CEP57L1: variants seen among roughly 807,000 people sequenced by gnomAD.
CEP57L1 encodes the protein centrosomal protein 57 like 1, also known as centrosomal protein CEP57L1.
Under a neutral mutation model 61.0 loss-of-function variants are expected in CEP57L1, and 37 were observed. That is an observed-to-expected ratio of 0.61 (90% CI 0.47 to 0.80). The LOEUF is 0.80. CEP57L1 is among the 30% of genes least tolerant of loss of function. CEP57L1 has a pLI of 0.00. For missense variants in CEP57L1, 422 were observed against 524.7 expected (o/e 0.80, Z 1.91); for synonymous variants, 137 against 162.3 (o/e 0.84, Z 1.19).
chr6:109,162,188 G>GA (rs1562152588), intron 10 of CEP57L1, among the ~76,000 whole-genome samples: 1 of 151,826 alleles, frequency 6.6e-6, no homozygotes, highest in Non-Finnish European at 1.5e-5. Flanking sequence ...ATGGCAGTTG[G>GA]AAAAAAACAC....
intron 10 of CEP57L1, among the ~76,000 whole-genome samples, chr6:109,160,985 A>C (rs1320354982): frequency 2.0e-5 from 3 of 152,204 alleles, no homozygotes; most frequent in Non-Finnish European, 4.4e-5. Context: ...ATTGTGAGGC[A>C]GACTAAACTT....
rs951241187 is a variant in CEP57L1, at chr6:109,163,741, T to C, written c.*771T>C. The C allele has an allele frequency of 3.3e-5, 5 of 152,172 alleles. No homozygotes were observed. The highest frequency in any genetic ancestry group is 5.9e-5 in the Non-Finnish European group (4 of 68,038). 9.4% of individuals were successfully genotyped at this position (152,172 alleles called of 1,614,324 possible). A position where few individuals can be genotyped will look rare whatever the true frequency, so the allele number is the denominator to read the frequency against. On this transcript the variant is annotated 3_prime_UTR_variant, in exon 11 of 11. Transcript: ENST00000517392. ...GACCCACAAAAGTGGTATTTTTTTT[T>C]TGTACAAGAAAGTATAGAGGAAGAG... is the stretch of plus-strand genomic sequence containing the variant.
At chr6:109,105,085 G>C (rs114011711) in intron 1 of CEP57L1, among the ~76,000 whole-genome samples, 1 of 151,858 alleles carries the variant, frequency 6.6e-6, no homozygotes, top group South Asian at 2.1e-4. Flanking sequence ...ATAATTTATA[G>C]GATAGAACTT....
intron 1 of CEP57L1, among the ~76,000 whole-genome samples, chr6:109,104,909 T>G (rs974857189): frequency 6.6e-6 from 1 of 152,164 alleles, no homozygotes; most frequent in African/African-American, 2.4e-5. Context: ...TTTTAAAATT[T>G]TTTTCAATCT....
chr6:109,103,376 G>C (rs1770552460), intron 1 of CEP57L1, among the ~76,000 whole-genome samples: 1 of 152,078 alleles, frequency 6.6e-6, no homozygotes, highest in Non-Finnish European at 1.5e-5. Flanking sequence ...GAATCATAAA[G>C]GCTCTTAATT....
At chr6:109,154,084 T>A (rs1228411780) in intron 5 of CEP57L1, 135 bp downstream of exon 5, 6 of 600,282 alleles carry the variant, frequency 1.0e-5, no homozygotes, top group Admixed American at 9.4e-5. Flanking sequence ...AGATATGAAT[T>A]CTCACCTATA....
At chr6:109,162,217 A>G (rs1773777763) in intron 10 of CEP57L1, among the ~76,000 whole-genome samples, 1 of 152,114 alleles carries the variant, frequency 6.6e-6, no homozygotes, top group Non-Finnish European at 1.5e-5. Flanking sequence ...ACACACACAT[A>G]TATATACATA....
At chr6:109,148,203 G>C (rs1562123223) in intron 3 of CEP57L1, among the ~76,000 whole-genome samples, 1 of 151,844 alleles carries the variant, frequency 6.6e-6, no homozygotes, top group Non-Finnish European at 1.5e-5. Context: ...GTGCCATGCT[G>C]GTGTGCTGCA....
chr6:109,161,176 T>C (rs899636514), intron 10 of CEP57L1, among the ~76,000 whole-genome samples: 14 of 152,242 alleles, frequency 9.2e-5, no homozygotes, highest in Non-Finnish European at 1.9e-4. Context: ...ACAAGCTGTT[T>C]TATGTTCCAT....
chr6:109,129,924 C>T (rs1371745612), intron 1 of CEP57L1, among the ~76,000 whole-genome samples: 1 of 151,764 alleles, frequency 6.6e-6, no homozygotes, highest in Non-Finnish European at 1.5e-5. Context: ...TTCACTCTGC[C>T]ATATTAACCT....
intron 1 of CEP57L1, among the ~76,000 whole-genome samples, chr6:109,125,410 G>T (rs1773430488): frequency 6.6e-6 from 1 of 150,726 alleles, no homozygotes; most frequent in Non-Finnish European, 1.5e-5. Context: ...TATTAAGTCT[G>T]CTCAACCTGT....
At chr6:109,125,034 A>AGGT (rs920934443) in intron 1 of CEP57L1, 2 of 152,212 alleles carry the variant, frequency 1.3e-5, no homozygotes, top group African/African-American at 4.8e-5. Flanking sequence ...AGAAACAGGT[A>AGGT]GGTAGACAGC....
chr6:109,159,558 C>T, intron 9 of CEP57L1, 96 bp downstream of exon 9: 1 of 1,134,152 alleles, frequency 8.8e-7, no homozygotes, highest in Non-Finnish European at 1.3e-6. Flanking sequence ...ATCCTCCTGC[C>T]TCGGCCTCCC....
intron 1 of CEP57L1, among the ~76,000 whole-genome samples, chr6:109,139,977 CAG>C (rs1771165543): frequency 6.6e-6 from 1 of 152,152 alleles, no homozygotes; most frequent in Admixed American, 6.6e-5. Context: ...TTCTGAAAGT[CAG>C]AAAGATAGTA....
intron 1 of CEP57L1, among the ~76,000 whole-genome samples, chr6:109,142,038 T>C (rs1771438728): frequency 6.6e-6 from 1 of 152,180 alleles, no homozygotes; most frequent in African/African-American, 2.4e-5. Flanking sequence ...GTAAAAATGC[T>C]TTGCAGTAAA....
At position 109,171,415 on chromosome 6, in the gene CEP57L1, T is replaced by C. The variant is rs760986174; in HGVS notation, c.*8445T>C. On this transcript the variant is annotated 3_prime_UTR_variant, in exon 11 of 11. Transcript: ENST00000517392. ...CACCACACCCGGCTGTTTTTTTTTT[T>C]CGCATTTTTAATAGAAACGGGGTTT... is the stretch of plus-strand genomic sequence containing the variant. 2.6e-5 allele frequency among the ~76,000 whole-genome samples: 4 copies of C among 151,386 alleles called. No individual in the cohort carries two copies. The highest frequency in any genetic ancestry group is 1.3e-4 in the Admixed American group (2 of 15,216).
rs942322892 is a variant in CEP57L1 at position 109,169,429 on chromosome 6, A to G, written c.*6459A>G. Among the ~76,000 whole-genome samples, 10 of 152,186 alleles carry G rather than the reference A, an allele frequency of 6.6e-5. No homozygotes were observed. The highest frequency in any genetic ancestry group is 2.4e-4 in the African/African-American group (10 of 41,446). On this transcript the variant is annotated 3_prime_UTR_variant, in exon 11 of 11. Transcript: ENST00000517392. ...AAAAGTGGAATAGCCAATTTAAAAT[A>G]GGAATACTCCCAAGTCCCCTGTTAT...
intron 1 of CEP57L1, among the ~76,000 whole-genome samples, chr6:109,107,315 A>AT (rs1198386769): frequency 3.3e-5 from 5 of 151,954 alleles, no homozygotes; most frequent in African/African-American, 4.8e-5. Flanking sequence ...TTGGCTATAT[A>AT]TTTTTTTAAA....
intron 4 of CEP57L1, among the ~76,000 whole-genome samples, chr6:109,151,588 G>A (rs935391097): frequency 6.6e-6 from 1 of 152,012 alleles, no homozygotes; most frequent in Non-Finnish European, 1.5e-5. Context: ...AGGAAAATTA[G>A]GAAACAAAAA....
Sources: allele counts gnomAD v4.1 joint callset (sites outside exome capture counted in the v4.1 genomes callset), GRCh38; gene constraint gnomAD v4.1.1; transcripts MANE v1.5; gene names NCBI Gene and HGNC (gene_info 2026-07-23, HGNC 2026-07-21).